The following LRCH3 variants were observed in gnomAD, a reference collection of about 807,000 sequenced individuals.
LRCH3 encodes leucine rich repeats and calponin homology domain containing 3.
Under a neutral mutation model 104.5 loss-of-function variants are expected in LRCH3, and 68 were observed. The observed-to-expected ratio is 0.65, with a 90% confidence interval of 0.54 to 0.80. LRCH3 has a LOEUF of 0.80. LRCH3 is among the 30% of genes least tolerant of loss of function. The pLI, the probability that LRCH3 is intolerant of heterozygous loss-of-function variation, is 0.00. For missense variants in LRCH3, 951 were observed against 953.9 expected (o/e 1.00, Z 0.04); for synonymous variants, 344 against 361.3 (o/e 0.95, Z 0.54).
intron 20 of LRCH3, among the ~76,000 whole-genome samples, chr3:197,879,489 A>T (rs1349591511): frequency 1.3e-5 from 2 of 151,096 alleles, no homozygotes; most frequent in African/African-American, 2.5e-5. Flanking sequence ...TACTAAAAAT[A>T]CAAAAAATTA....
In LRCH3 at chr3:197,869,232, C is replaced by T. The variant is rs1462771417; in HGVS notation, c.1874-928C>T. Among the ~76,000 whole-genome samples the T allele has an allele frequency of 5.9e-5, 9 of 152,054 alleles. No individual in the cohort carries two copies. In the East Asian group the frequency reaches 1.7e-3, roughly 29 times the overall value. On this transcript the variant is annotated intron_variant, in intron 17 of 20. Coordinates refer to ENST00000425562, the MANE Select transcript of LRCH3 (RefSeq NM_001365715.1). ...AGGAAGTAGAAAGCGATGCACTGTACCTGCAGGAAGTAGAAAGCGATACAC... is the reference window on the plus strand; with the variant it reads ...AGGAAGTAGAAAGCGATGCACTGTATCTGCAGGAAGTAGAAAGCGATACAC...
chr3:197,879,417 T>G (rs113710328), intron 20 of LRCH3, among the ~76,000 whole-genome samples: 5 of 151,048 alleles, frequency 3.3e-5, no homozygotes, highest in South Asian at 2.1e-4. Context: ...GAGGCCGAGG[T>G]GGGCGGATCA....
chr3:197,852,355 C>T (rs79153719), intron 12 of LRCH3: 1 of 528,094 alleles, frequency 1.9e-6, no homozygotes, highest in Non-Finnish European at 3.4e-6. Flanking sequence ...GGTCAATATT[C>T]TGATTATAAA....
rs544321739 is a variant in LRCH3, at chr3:197,879,412, C to G, written c.2208+3637C>G. On this transcript the variant is annotated intron_variant, in intron 20 of 20. Coordinates refer to ENST00000425562, the MANE Select transcript of LRCH3 (RefSeq NM_001365715.1). The stretch of plus-strand genomic sequence containing the variant: ...CTGTAATCCCAGCACTTTGGGAGGC[C>G]GAGGTGGGCGGATCACGAGGTCAGG... Among the ~76,000 whole-genome samples the G allele has an allele frequency of 5.2e-4, 79 of 151,726 alleles. 1 individual carries two copies. The South Asian group carries it at 0.015, about 28-fold the overall frequency.
At chr3:197,835,497 T>TTA (rs1553920140) in intron 8 of LRCH3, among the ~76,000 whole-genome samples, 177 bp from the exon 9 acceptor site, 1 of 135,096 alleles carries the variant, frequency 7.4e-6, no homozygotes, top group African/African-American at 2.9e-5. Flanking sequence ...ATAAAATGGG[T>TTA]AAAAAAAAAA....
chr3:197,815,569 C>G (rs182023529), intron 2 of LRCH3, among the ~76,000 whole-genome samples: 1 of 152,164 alleles, frequency 6.6e-6, no homozygotes, highest in Non-Finnish European at 1.5e-5. Context: ...ATTAACAAAC[C>G]TTACTGAGCC....
intron 1 of LRCH3, among the ~76,000 whole-genome samples, chr3:197,798,607 GA>G (rs2109104140): frequency 1.3e-5 from 2 of 152,272 alleles, no homozygotes; most frequent in East Asian, 3.9e-4. Flanking sequence ...GAAGAATGAG[GA>G]CTGCTAAAAT....
intron 12 of LRCH3, 154 bp from the exon 13 acceptor site, chr3:197,852,407 C>A: frequency 1.4e-6 from 1 of 690,200 alleles, no homozygotes. Flanking sequence ...AAATTTCTAG[C>A]TAAACATTTT....
rs968550450 is a variant in LRCH3, at chr3:197,835,789, G to A, written c.1218G>A (p.Met406Ile). 3.1e-6 allele frequency: 5 copies of A among 1,613,972 alleles called. No individual in the cohort carries two copies. The African/African-American group carries it at 6.7e-5, about 22-fold the overall frequency. ...PDPDSLSSQF[M>I]AYIEQRRISH... is the part of the protein sequence containing the mutation. ...CAGACAGCCTTAGTTCACAGTTTAT[G>A]GCGTATATTGAACAGCGGCGAATCT... Residue 406 changes from methionine to isoleucine, a missense_variant, in exon 9 of 21, where the codon ATG becomes ATA. Transcript: ENST00000425562.
In LRCH3 at chr3:197,860,139, A is replaced by G. The variant is rs138782836; in HGVS notation, c.1716+1234A>G. ...TCCCTAGCCTCCTGAGTAGCTGGGA[A>G]TACAGATGCGCACCACCATGCCTGG... On this transcript the variant is annotated intron_variant, in intron 15 of 20. Transcript: ENST00000425562. Among the ~76,000 whole-genome samples, 592 of 152,170 alleles carry G rather than the reference A, an allele frequency of 3.9e-3. 4 individuals carry two copies. The highest frequency in any genetic ancestry group is 0.013 in the African/African-American group (553 of 41,512).
chr3:197,833,781 ATGGCTTGTGTTATTT>A (rs1736303898), intron 8 of LRCH3, among the ~76,000 whole-genome samples: 1 of 152,180 alleles, frequency 6.6e-6, no homozygotes, highest in African/African-American at 2.4e-5. Flanking sequence ...GTTCACCTTC[ATGGCTTGTGTTATTT>A]TTCTCTTTGG....
At chr3:197,880,588 T>G in intron 20 of LRCH3, 3 of 1,536,714 alleles carry the variant, frequency 2.0e-6, no homozygotes, top group Non-Finnish European at 2.6e-6. Context: ...CTCCTTTCTC[T>G]TGGGGCACAC....
At chr3:197,866,379 A>G (rs1741487012) in intron 17 of LRCH3, among the ~76,000 whole-genome samples, 160 bp downstream of exon 17, 1 of 152,220 alleles carries the variant, frequency 6.6e-6, no homozygotes, top group Admixed American at 6.5e-5. Flanking sequence ...AAAGCAGGAA[A>G]ATCTTATCTG....
intron 12 of LRCH3, among the ~76,000 whole-genome samples, chr3:197,849,424 C>T (rs796601216): frequency 5.9e-5 from 9 of 152,132 alleles, no homozygotes; most frequent in African/African-American, 2.2e-4. Flanking sequence ...GCCTTTTCAA[C>T]CCTCATAAGA....
chr3:197,816,391 C>T (rs1297648830), intron 2 of LRCH3, among the ~76,000 whole-genome samples: 1 of 152,102 alleles, frequency 6.6e-6, no homozygotes, highest in Non-Finnish European at 1.5e-5. Flanking sequence ...AGCCATTCTC[C>T]TGCCTCAGCC....
chr3:197,808,900 AG>A (rs1732799658), intron 1 of LRCH3, among the ~76,000 whole-genome samples: 1 of 48,272 alleles, frequency 2.1e-5, no homozygotes, highest in African/African-American at 4.5e-5. Context: ...AGACTGTCTC[AG>A]AAAAAAAAAG....
rs925746142 is a variant in LRCH3, at chr3:197,810,774, A to C, written c.263-4134A>C. On this transcript the variant is annotated intron_variant, in intron 1 of 20. Coordinates refer to ENST00000425562, the MANE Select transcript of LRCH3 (RefSeq NM_001365715.1). This position sits in a 1 kb window ranked among gnomAD's most constrained non-coding sequence, Gnocchi z 4.0. ...AAAAGTACATTTGTTTCATCTTCCC[A>C]GAAGCGGAAGTCACTAAAATGGCAT... is the stretch of plus-strand genomic sequence containing the variant. Among the ~76,000 whole-genome samples the C allele has an allele frequency of 1.3e-5, 2 of 152,176 alleles. No individual in the cohort carries two copies. The highest frequency in any genetic ancestry group is 4.8e-5 in the African/African-American group (2 of 41,464).
intron 20 of LRCH3, chr3:197,882,440 G>A: frequency 1.0e-6 from 1 of 956,078 alleles, no homozygotes; most frequent in Non-Finnish European, 1.2e-6. Context: ...ACCAATAACT[G>A]CCTCAAAAAT....
At chr3:197,796,905 T>C (rs768833977) in intron 1 of LRCH3, among the ~76,000 whole-genome samples, 6 of 152,060 alleles carry the variant, frequency 3.9e-5, no homozygotes, top group Non-Finnish European at 8.8e-5. Context: ...GTGGGACAAA[T>C]AGAAACAAAT....
Sources: allele counts gnomAD v4.1 joint callset (sites outside exome capture counted in the v4.1 genomes callset), GRCh38; gene constraint gnomAD v4.1.1; non-coding constraint Gnocchi (gnomAD v3.1); transcripts MANE v1.5; gene names NCBI Gene and HGNC (gene_info 2026-07-23, HGNC 2026-07-21).